FYCO1: variants seen among roughly 807,000 people sequenced by gnomAD.
The protein encoded by FYCO1 is FYVE and coiled-coil domain autophagy adaptor 1.
A neutral mutation model predicts 165.1 loss-of-function variants in FYCO1; 122 were observed. That is an observed-to-expected ratio of 0.74 (90% CI 0.64 to 0.86). FYCO1 has a LOEUF of 0.86. FYCO1 is among the 40% of genes least tolerant of loss of function. The pLI is 0.00. For missense variants in FYCO1, 1,702 were observed against 1,810.3 expected (o/e 0.94, Z 1.09); for synonymous variants, 648 against 742.5 (o/e 0.87, Z 2.07).
At chr3:45,975,467 T>C (rs755541218) in intron 4 of FYCO1, 122 bp from the exon 5 acceptor site, 1 of 728,332 alleles carries the variant, frequency 1.4e-6, no homozygotes, top group Non-Finnish European at 2.5e-6. Context: ...AATTTTACCC[T>C]ATACGTTGTC....
chr3:45,975,139 C>T (rs1706677113), intron 5 of FYCO1, 100 bp downstream of exon 5: 1 of 852,094 alleles, frequency 1.2e-6, no homozygotes. Flanking sequence ...TCACGGGGGA[C>T]ACAAATGAGC....
rs1385237840 is a variant in FYCO1 at position 45,966,982 on chromosome 3, C to T, written c.2352G>A (p.Glu784=). ...CCACCTGAGCCTGCAGCCGTTGGAC[C>T]TCCCCCTGATGGACTTCCAGCTGCG... The part of the protein sequence containing the change: ...SQAQLEVHQG[E]VQRLQAQVVD... Residue 784 remains glutamate, a synonymous_variant, in exon 8 of 18, where the codon GAG becomes GAA. Coordinates refer to ENST00000296137, the MANE Select transcript of FYCO1 (RefSeq NM_024513.4). 6.2e-7 allele frequency: 1 copy of T among 1,613,322 alleles called. No individual in the cohort carries two copies. Among genetic ancestry groups the T allele is most frequent in the South Asian group, 1.1e-5 (1 of 91,088 alleles).
intron 1 of FYCO1, among the ~76,000 whole-genome samples, chr3:45,991,094 T>A (rs557708523): frequency 4.6e-5 from 7 of 152,300 alleles, no homozygotes; most frequent in East Asian, 1.9e-4. Flanking sequence ...AGCACATTTT[T>A]AAAAAAATTC....
At chr3:45,924,068 C>T (rs1309463743) in intron 16 of FYCO1, among the ~76,000 whole-genome samples, 2 of 152,160 alleles carry the variant, frequency 1.3e-5, no homozygotes, top group Non-Finnish European at 2.9e-5. Context: ...AAGGAGAAGC[C>T]CTTTTCTGCC....
rs1378323549 is a variant in FYCO1 at position 45,975,393 on chromosome 3, C to T, written c.289-48G>A. 7 of 1,382,492 alleles carry T rather than the reference C, an allele frequency of 5.1e-6. No individual in the cohort carries two copies. In the Admixed American group the frequency reaches 1.2e-4, roughly 23 times the overall value. The allele number at this position is 1,382,492 out of a possible 1,614,324, so 85.6% of individuals were successfully genotyped here. A position where few individuals can be genotyped will look rare whatever the true frequency, so the allele number is the denominator to read the frequency against. ...AGCCAAAGAGCTGTCAGCCTAACTCCAAATACAGACCTGGTCTCATAGATG... is the reference window on the plus strand; with the variant it reads ...AGCCAAAGAGCTGTCAGCCTAACTCTAAATACAGACCTGGTCTCATAGATG... On this transcript the variant is annotated intron_variant, in intron 4 of 17. Coordinates refer to ENST00000296137, the MANE Select transcript of FYCO1 (RefSeq NM_024513.4).
intron 6 of FYCO1, among the ~76,000 whole-genome samples, chr3:45,970,599 C>T (rs544755432): frequency 2.3e-4 from 35 of 152,156 alleles, no homozygotes; most frequent in African/African-American, 7.0e-4. Flanking sequence ...TGAAAAGGGC[C>T]AGATAGTAAA....
In FYCO1 at chr3:45,967,521, C is replaced by G. The variant is rs1706136842; in HGVS notation, c.1813G>C (p.Val605Leu). 2 of 1,613,696 alleles carry G rather than the reference C, an allele frequency of 1.2e-6. No homozygotes were observed. ...TCTTCCTCCTGGCTGCCCTCTTGCA[C>G]CTTGGTATCGTCTAACTGTGCCTCC... is the stretch of plus-strand genomic sequence containing the variant. ...LQEAQLDDTK[V>L]QEGSQEEELR... Residue 605 changes from valine to leucine, a missense_variant, in exon 8 of 18, where the codon GTG (valine) becomes CTG (leucine). By Grantham distance (32) the Val-to-Leu change is conservative. Transcript: ENST00000296137.
intron 14 of FYCO1, among the ~76,000 whole-genome samples, chr3:45,949,156 C>A (rs573666607): frequency 2.2e-4 from 33 of 152,292 alleles, no homozygotes; most frequent in African/African-American, 7.7e-4. Context: ...CCCACATGAT[C>A]CTACCTACTG....
chr3:45,974,343 C>T (rs1274240956), intron 5 of FYCO1, among the ~76,000 whole-genome samples: 2 of 152,104 alleles, frequency 1.3e-5, no homozygotes, highest in Non-Finnish European at 2.9e-5. Context: ...ACTGCACTCC[C>T]GCGTGGGCAA....
At position 45,968,171 on chromosome 3, in the gene FYCO1, C is replaced by T. The variant is rs139644945; in HGVS notation, c.1163G>A (p.Arg388Gln). 1.1e-5 allele frequency: 18 copies of T among 1,613,942 alleles called. No individual in the cohort carries two copies. Among genetic ancestry groups the T allele is most frequent in the African/African-American group, 6.7e-5 (5 of 74,914 alleles). ...KADTASDTKG[R>Q]QEPIPSDAAQ... is the part of the protein sequence containing the mutation. ...CGCATCACTGGGAATAGGTTCTTGC[C>T]GGCCCTTTGTGTCTGATGCCGTATC... is the stretch of plus-strand genomic sequence containing the variant. The change falls in exon 8 of 18, where the codon CGG (arginine) becomes CAG (glutamine). Residue 388 changes from arginine to glutamine, a missense_variant. Coordinates refer to ENST00000296137, the MANE Select transcript of FYCO1 (RefSeq NM_024513.4).
chr3:45,961,764 G>A (rs1308172939), intron 11 of FYCO1, among the ~76,000 whole-genome samples: 2 of 152,124 alleles, frequency 1.3e-5, no homozygotes, highest in African/African-American at 4.8e-5. Flanking sequence ...TTGAAGCTGG[G>A]TGACAGGTAC....
chr3:45,957,054 T>A (rs1705373498), intron 13 of FYCO1, among the ~76,000 whole-genome samples: 1 of 152,210 alleles, frequency 6.6e-6, no homozygotes, highest in Admixed American at 6.5e-5. Flanking sequence ...ATAAATGGAA[T>A]AGAATAAAAG....
intron 2 of FYCO1, among the ~76,000 whole-genome samples, chr3:45,984,302 A>C (rs1707208905): frequency 6.6e-6 from 1 of 152,184 alleles, no homozygotes; most frequent in Non-Finnish European, 1.5e-5. Context: ...GCTTTTCTCC[A>C]GTGAGATAAG....
chr3:45,932,266 T>C (rs1471078425), intron 15 of FYCO1, among the ~76,000 whole-genome samples: 2 of 152,236 alleles, frequency 1.3e-5, no homozygotes, highest in Admixed American at 6.5e-5. Context: ...AGTGCAGAGC[T>C]GCAACTTAGG....
intron 14 of FYCO1, chr3:45,938,108 G>T: frequency 2.8e-6 from 2 of 720,854 alleles, no homozygotes; most frequent in African/African-American, 1.8e-5. Flanking sequence ...CCCGCATTCA[G>T]GATAAAAGAT....
intron 14 of FYCO1, chr3:45,946,361 A>T: frequency 1.2e-6 from 1 of 822,784 alleles, no homozygotes; most frequent in Admixed American, 2.3e-5. Context: ...GTGGGTTTAG[A>T]AGATGACTAT....
At position 45,967,703 on chromosome 3, in the gene FYCO1, T is replaced by C; in HGVS notation, c.1631A>G (p.Asp544Gly). 6.2e-7 allele frequency: 1 copy of C among 1,613,576 alleles called. No homozygotes were observed. The highest frequency in any genetic ancestry group is 8.5e-7 in the Non-Finnish European group (1 of 1,180,006). Reference sequence around the variant, plus strand: ...CATACCCACCTGCTGGCTGAGGTGGTCTTTGTCCTGAATGAGCTGCTTCTT... The same window carrying C: ...CATACCCACCTGCTGGCTGAGGTGGCCTTTGTCCTGAATGAGCTGCTTCTT... ...EQKKQLIQDK[D>G]HLSQQVGMLE... The change falls in exon 8 of 18, where the codon GAC becomes GGC. Residue 544 changes from aspartate (D) to glycine (G), a missense_variant. Transcript: ENST00000296137.
intron 1 of FYCO1, among the ~76,000 whole-genome samples, chr3:45,992,707 G>T (rs926017860): frequency 4.6e-5 from 7 of 152,104 alleles, no homozygotes; most frequent in Non-Finnish European, 8.8e-5. Context: ...TGGGAAAGGG[G>T]GGGTAACAGA....
chr3:45,955,453 G>T, intron 13 of FYCO1, 60 bp from the exon 14 acceptor site: 1 of 1,597,218 alleles, frequency 6.3e-7, no homozygotes, highest in Non-Finnish European at 8.6e-7. Context: ...GCATAGGCTG[G>T]GTAAGGGCCC....
Sources: allele counts gnomAD v4.1 joint callset (sites outside exome capture counted in the v4.1 genomes callset), GRCh38; gene constraint gnomAD v4.1.1; transcripts MANE v1.5; gene names NCBI Gene and HGNC (gene_info 2026-07-23, HGNC 2026-07-21).